The following USP44 variants were observed in gnomAD, a reference collection of about 807,000 sequenced individuals.
USP44 encodes ubiquitin specific peptidase 44.
A neutral mutation model predicts 69.0 loss-of-function variants in USP44; 61 were observed. That is an observed-to-expected ratio of 0.88 (90% CI 0.72 to 1.09). The LOEUF (loss-of-function observed/expected upper bound fraction) is 1.09, where lower values mean the gene tolerates loss of function less well. USP44 is among the 50% of genes least tolerant of loss of function. USP44 has a pLI of 0.00. For synonymous variants in USP44, 297 were observed against 295.4 expected (o/e 1.01, Z -0.06); for missense variants, 753 against 849.9 (o/e 0.89, Z 1.42).
At chr12:95,524,629 A>G (rs752081955) in intron 4 of USP44, 51 bp downstream of exon 4, 182 of 1,365,232 alleles carry the variant, frequency 1.3e-4, no homozygotes, top group Non-Finnish European at 3.7e-5. Flanking sequence ...TAAGTTTTGA[A>G]GCATTATAAG....
Position 95,533,367 on chromosome 12 carries a change from A to G in USP44, c.890T>C (p.Phe297Ser). ...VLQVLSHLLIFRQCFLKLDLN... is the reference protein window; with the variant it reads ...VLQVLSHLLISRQCFLKLDLN... Reference sequence around the variant, plus strand: ...ATCAAGCTTTAAAAAACATTGTCGAAAAATAAGTAAATGACTCAACACCTG... The same window carrying G: ...ATCAAGCTTTAAAAAACATTGTCGAGAAATAAGTAAATGACTCAACACCTG... The change falls in exon 2 of 6, where the codon TTT (phenylalanine) becomes TCT (serine). Residue 297 changes from phenylalanine (F) to serine (S), a missense_variant. Transcript: ENST00000258499. 6.2e-7 allele frequency: 1 copy of G among 1,613,246 alleles called. No individual in the cohort carries two copies. Among genetic ancestry groups the G allele is most frequent in the Non-Finnish European group, 8.5e-7 (1 of 1,179,474 alleles).
chr12:95,526,590 A>C (rs2076843560), intron 3 of USP44, among the ~76,000 whole-genome samples: 1 of 152,116 alleles, frequency 6.6e-6, no homozygotes, highest in African/African-American at 2.4e-5. Flanking sequence ...AACAAAAAAA[A>C]ACCTTATAAA....
At chr12:95,550,097 T>G (rs1385703624) in intron 1 of USP44, among the ~76,000 whole-genome samples, 1 of 150,592 alleles carries the variant, frequency 6.6e-6, no homozygotes, top group African/African-American at 2.4e-5. Flanking sequence ...GACAATCGCT[T>G]GAACCCAGGA....
intron 4 of USP44, among the ~76,000 whole-genome samples, chr12:95,523,044 C>T (rs2076717518): frequency 6.6e-6 from 1 of 152,126 alleles, no homozygotes; most frequent in Non-Finnish European, 1.5e-5. Flanking sequence ...GGATAGCTAA[C>T]CATGCTGAAG....
chr12:95,524,463 C>T (rs78976326), intron 4 of USP44: 29,163 of 335,492 alleles, frequency 0.087, 1,643 homozygotes, highest in Non-Finnish European at 0.11. Context: ...AAAACCCTAT[C>T]GCCAGCCTAG....
chr12:95,544,555 C>A (rs1250323577), intron 1 of USP44, among the ~76,000 whole-genome samples: 1 of 152,088 alleles, frequency 6.6e-6, no homozygotes, highest in Non-Finnish European at 1.5e-5. Flanking sequence ...ATCAGTAGCT[C>A]AATTTTCAGA....
chr12:95,521,267 G>C, intron 4 of USP44, 65 bp from the exon 5 acceptor site: 1 of 1,469,036 alleles, frequency 6.8e-7, no homozygotes, highest in Non-Finnish European at 9.5e-7. Flanking sequence ...ACTAGGTCTA[G>C]ACACTTGTAA....
Position 95,544,308 on chromosome 12 carries a change from A to G in USP44, c.-71+6964T>C, listed in dbSNP as rs556855380. On this transcript the variant is annotated intron_variant, in intron 1 of 5. Coordinates refer to ENST00000258499, the MANE Select transcript of USP44 (RefSeq NM_032147.5). Reference sequence around the variant, plus strand: ...CTGACCTTGTGATCCACCCGCCTCGACCTCCCAAAGTGCTGGGAATACAGG... The same window carrying G: ...CTGACCTTGTGATCCACCCGCCTCGGCCTCCCAAAGTGCTGGGAATACAGG... Among the ~76,000 whole-genome samples, 3 of 150,694 alleles carry G rather than the reference A, an allele frequency of 2.0e-5. No homozygotes were observed. The Admixed American group carries it at 2.0e-4, about 10-fold the overall frequency.
intron 1 of USP44, among the ~76,000 whole-genome samples, chr12:95,541,001 C>T (rs559697266): frequency 6.6e-6 from 1 of 152,252 alleles, no homozygotes; most frequent in Admixed American, 6.5e-5. Flanking sequence ...TTGTTTTGGC[C>T]AGGCGCAGTG....
intron 4 of USP44, among the ~76,000 whole-genome samples, chr12:95,521,411 A>C (rs1431043705): frequency 6.6e-6 from 1 of 152,228 alleles, no homozygotes; most frequent in Non-Finnish European, 1.5e-5. Flanking sequence ...TGTAGGAAAA[A>C]AAAATTTAAC....
chr12:95,541,874 AT>A (rs34060895), intron 1 of USP44, among the ~76,000 whole-genome samples: 15,767 of 99,570 alleles, frequency 0.16, 659 homozygotes, highest in African/African-American at 0.25. Flanking sequence ...TATCATCTCC[AT>A]TTTTTTTTTT....
At chr12:95,541,294 T>C (rs1350107584) in intron 1 of USP44, among the ~76,000 whole-genome samples, 1 of 151,944 alleles carries the variant, frequency 6.6e-6, no homozygotes, top group Non-Finnish European at 1.5e-5. Context: ...ATAATAATAA[T>C]TAATTCTGGC....
chr12:95,544,277 G>C (rs1266542887), intron 1 of USP44, among the ~76,000 whole-genome samples: 2 of 151,628 alleles, frequency 1.3e-5, no homozygotes, highest in African/African-American at 4.8e-5. Flanking sequence ...GGATGGTCTC[G>C]ATCTCCTGAC....
chr12:95,525,440 T>C (rs1313840243), intron 3 of USP44, among the ~76,000 whole-genome samples: 1 of 152,162 alleles, frequency 6.6e-6, no homozygotes, highest in Admixed American at 6.5e-5. Flanking sequence ...CTAAACATTT[T>C]AATATACATT....
chr12:95,539,802 A>C (rs2077330455), intron 1 of USP44, among the ~76,000 whole-genome samples: 1 of 152,218 alleles, frequency 6.6e-6, no homozygotes, highest in Non-Finnish European at 1.5e-5. Context: ...TCATTGAAGC[A>C]CTTATTAAAC....
chr12:95,523,689 C>CA (rs927669685), intron 4 of USP44, among the ~76,000 whole-genome samples: 6,507 of 89,118 alleles, frequency 0.073, 242 homozygotes, highest in Non-Finnish European at 0.098. Context: ...CTGTCTCTAC[C>CA]AAAAAAAAAA....
At position 95,533,949 on chromosome 12, in the gene USP44, C is replaced by T. The variant is rs778108119; in HGVS notation, c.308G>A (p.Ser103Asn). 2.1e-5 allele frequency: 34 copies of T among 1,614,044 alleles called. No individual in the cohort carries two copies. In the South Asian group the frequency reaches 3.5e-4, roughly 17 times the overall value. ...GDLKLLRRTL[S>N]AIKSQNYHCT... Reference sequence around the variant, plus strand: ...GTGATAATTTTGACTTTTGATGGCACTTAATGTACGTCGTAGTAACTTCAG... The same window carrying T: ...GTGATAATTTTGACTTTTGATGGCATTTAATGTACGTCGTAGTAACTTCAG... Residue 103 changes from serine (S) to asparagine (N), a missense_variant, in exon 2 of 6, where the codon AGT (serine) becomes AAT (asparagine). Ser to Asn is a conservative substitution (Grantham distance 46). Transcript: ENST00000258499.
intron 1 of USP44, among the ~76,000 whole-genome samples, chr12:95,538,479 A>G (rs2077277031): frequency 6.6e-6 from 1 of 152,092 alleles, no homozygotes; most frequent in Non-Finnish European, 1.5e-5. Context: ...AGGTGCTAAC[A>G]GATAATCAAG....
At chr12:95,545,587 C>T (rs371718539) in intron 1 of USP44, among the ~76,000 whole-genome samples, 1 of 152,134 alleles carries the variant, frequency 6.6e-6, no homozygotes, top group East Asian at 1.9e-4. Context: ...CTTACCCACT[C>T]GTATAAGCAA....
Sources: gnomAD v4.1 joint callset for allele counts (sites outside exome capture counted in the v4.1 genomes callset) on GRCh38, gnomAD v4.1.1 for gene constraint, MANE v1.5 for transcripts, NCBI Gene and HGNC (gene_info 2026-07-23, HGNC 2026-07-21) for gene names.